The following GPR89B variants were observed in gnomAD, a reference collection of about 807,000 sequenced individuals.
GPR89B encodes golgi pH regulator B.
GPR89B carries 25 observed loss-of-function variants against 52.4 expected under a neutral mutation model. The ratio of observed to expected loss-of-function variants is 0.48; its 90% confidence interval spans 0.35 to 0.67. GPR89B has a LOEUF of 0.67. Among genes scored for constraint, GPR89B ranks in the 30% least tolerant of loss-of-function variants. GPR89B has a pLI of 0.01. For synonymous variants in GPR89B, 52 were observed against 151.2 expected (o/e 0.34, Z 4.81); for missense variants, 146 against 450.2 (o/e 0.32, Z 6.11).
At chr1:147,970,514 T>C (rs1458980705) in intron 10 of GPR89B, among the ~76,000 whole-genome samples, 12 of 149,340 alleles carry the variant, frequency 8.0e-5, no homozygotes, top group Admixed American at 2.7e-4. Flanking sequence ...TCTCTCTCTC[T>C]CTCTCTCTCT....
chr1:147,964,191 C>T lies in GPR89B; in HGVS notation c.618-2363C>T, dbSNP rs1239230519. Among the ~76,000 whole-genome samples the T allele has an allele frequency of 2.0e-5, 3 of 151,002 alleles. No individual in the cohort carries two copies. In the East Asian group the frequency reaches 5.8e-4, roughly 29 times the overall value. On this transcript the variant is annotated intron_variant, in intron 7 of 13. Transcript: ENST00000314163. ...TCTGGGTAAAGGGTACATGGAATCT[C>T]TGTATTTTTTCTCAAAACTACATTA...
intron 8 of GPR89B, chr1:147,967,206 G>T (rs1657097264): frequency 6.4e-6 from 1 of 155,944 alleles, no homozygotes; most frequent in Non-Finnish European, 1.4e-5. Flanking sequence ...GAGGTGGGCA[G>T]ATCACTTGAA....
At chr1:147,945,464 A>G (rs1215731037) in intron 5 of GPR89B, among the ~76,000 whole-genome samples, 4 of 152,240 alleles carry the variant, frequency 2.6e-5, no homozygotes, top group African/African-American at 9.7e-5. Context: ...TTCGAGAGAG[A>G]GAGGTTATGA....
intron 10 of GPR89B, among the ~76,000 whole-genome samples, chr1:147,970,412 G>A (rs1219978319): frequency 5.3e-5 from 8 of 151,956 alleles, no homozygotes; most frequent in Non-Finnish European, 8.8e-5. Flanking sequence ...CAGGAGAATC[G>A]CTTGAACCCG....
chr1:147,928,670 T>C (rs1192030769), intron 1 of GPR89B, 92 bp downstream of exon 1: 2 of 1,541,438 alleles, frequency 1.3e-6, no homozygotes, highest in East Asian at 4.5e-5. Flanking sequence ...GTCCGGGGTC[T>C]CGCTCCTCTC....
intron 10 of GPR89B, among the ~76,000 whole-genome samples, chr1:147,970,531 CTCTA>C (rs1362918975): frequency 3.3e-4 from 46 of 141,024 alleles, no homozygotes; most frequent in African/African-American, 9.3e-4. Context: ...CTCTCTCTCT[CTCTA>C]TCTCTATCTC....
the GPR89B span, among the ~76,000 whole-genome samples, chr1:148,013,825 C>T: frequency 6.6e-6 from 1 of 152,044 alleles, no homozygotes; most frequent in Non-Finnish European, 1.5e-5. Flanking sequence ...GTCTTTCCCA[C>T]GGGCTGGGGG....
chr1:148,003,035 T>C, the GPR89B span, among the ~76,000 whole-genome samples: 1 of 152,256 alleles, frequency 6.6e-6, no homozygotes, highest in Non-Finnish European at 1.5e-5. Flanking sequence ...CCCTTCATTA[T>C]GGACATATGT....
At chr1:147,950,013 G>A (rs1571253542) in intron 5 of GPR89B, among the ~76,000 whole-genome samples, 1 of 146,770 alleles carries the variant, frequency 6.8e-6, no homozygotes, top group South Asian at 2.1e-4. Context: ...GCGGCTGGCC[G>A]GGCGGGGGGC....
chr1:148,000,180 T>C, the GPR89B span, among the ~76,000 whole-genome samples: 2 of 151,688 alleles, frequency 1.3e-5, no homozygotes, highest in Non-Finnish European at 2.9e-5. Flanking sequence ...CTTTCTATCC[T>C]AACTAAATAT....
At chr1:148,002,702 A>C in the GPR89B span, among the ~76,000 whole-genome samples, 1 of 152,032 alleles carries the variant, frequency 6.6e-6, no homozygotes, top group Non-Finnish European at 1.5e-5. Flanking sequence ...CCAAGTTCAA[A>C]CTCATCAGTC....
intron 8 of GPR89B, chr1:147,968,498 T>C (rs2149075992): frequency 2.7e-6 from 1 of 375,024 alleles, no homozygotes; most frequent in South Asian, 2.1e-5. Flanking sequence ...AACATTATAT[T>C]CAGATAATGT....
the GPR89B span, among the ~76,000 whole-genome samples, chr1:147,999,577 G>A: frequency 6.9e-6 from 1 of 144,426 alleles, no homozygotes; most frequent in Non-Finnish European, 1.5e-5. Context: ...CCAGCCTGGT[G>A]ACAGAGCAAG....
chr1:147,998,546 C>T (rs1558075577), downstream of GPR89B, among the ~76,000 whole-genome samples: 2 of 152,098 alleles, frequency 1.3e-5, no homozygotes, highest in African/African-American at 4.8e-5. Flanking sequence ...ATCTGACAGT[C>T]GCAGCTCATC....
intron 5 of GPR89B, among the ~76,000 whole-genome samples, chr1:147,946,494 A>G (rs1210580414): frequency 6.6e-6 from 1 of 152,208 alleles, no homozygotes; most frequent in African/African-American, 2.4e-5. Context: ...TGCACTAAAG[A>G]GTCCTGGTAG....
At chr1:148,004,184 T>G in the GPR89B span, among the ~76,000 whole-genome samples, 1 of 145,478 alleles carries the variant, frequency 6.9e-6, no homozygotes, top group Non-Finnish European at 1.5e-5. Flanking sequence ...TGAGATGGAG[T>G]GTCACTCTTT....
At chr1:147,950,343 G>C (rs1189447319) in intron 5 of GPR89B, among the ~76,000 whole-genome samples, 1 of 151,094 alleles carries the variant, frequency 6.6e-6, no homozygotes, top group Admixed American at 6.6e-5. Context: ...ATGGGCGGCC[G>C]GGCAGAGACG....
intron 1 of GPR89B, 75 bp downstream of exon 1, chr1:147,928,653 C>T (rs1399120522): frequency 6.3e-7 from 1 of 1,580,216 alleles, no homozygotes; most frequent in Non-Finnish European, 8.7e-7. Context: ...CTCCGCGGTG[C>T]GGGCTGGTCC....
chr1:147,936,146 T>A (rs1228514820), intron 1 of GPR89B, among the ~76,000 whole-genome samples: 2 of 151,994 alleles, frequency 1.3e-5, no homozygotes, highest in African/African-American at 4.8e-5. Context: ...GCCTTTGGAG[T>A]AGCTGGGAAT....
Sources: allele counts gnomAD v4.1 joint callset (sites outside exome capture counted in the v4.1 genomes callset), GRCh38; gene constraint gnomAD v4.1.1; transcripts MANE v1.5; gene names NCBI Gene and HGNC (gene_info 2026-07-23, HGNC 2026-07-21).